Variants in LINGO2 observed in about 807,000 individuals in gnomAD.
The protein encoded by LINGO2 is leucine rich repeat and Ig domain containing 2.
Under a neutral mutation model 30.6 loss-of-function variants are expected in LINGO2, and 14 were observed. The observed-to-expected ratio is 0.46, with a 90% CI of 0.30 to 0.72. The LOEUF is 0.72. LINGO2 is among the 30% of genes least tolerant of loss of function. The pLI is 0.07. For synonymous variants in LINGO2, 317 were observed against 288.5 expected, an observed-to-expected ratio of 1.10 and a Z score of -1.00; for missense variants, 729 against 751.7, an observed-to-expected ratio of 0.97 and a Z score of 0.35.
the LINGO2 span, among the ~76,000 whole-genome samples, chr9:29,021,428 C>T: frequency 4.6e-5 from 7 of 152,104 alleles, no homozygotes; most frequent in South Asian, 2.1e-4. Context: ...GGAGGCGATG[C>T]GGGCGGATCA....
chr9:28,219,925 A>G (rs1451464362), intron 4 of LINGO2, among the ~76,000 whole-genome samples: 1 of 152,198 alleles, frequency 6.6e-6, no homozygotes, highest in Non-Finnish European at 1.5e-5. Context: ...TCAACCAGCT[A>G]CAGATCATAT....
chr9:27,949,137 T>A, exon 6 of LINGO2: 1 of 1,614,126 alleles, frequency 6.2e-7, no homozygotes, highest in Non-Finnish European at 8.5e-7. Flanking sequence ...AGGGGTCCTG[T>A]TCGCATAAAG....
At chr9:28,217,198 A>G (rs758935057) in intron 4 of LINGO2, among the ~76,000 whole-genome samples, 2 of 151,214 alleles carry the variant, frequency 1.3e-5, no homozygotes, top group Non-Finnish European at 3.0e-5. Context: ...GTGGTGTATT[A>G]TTTTTATGTA....
At chr9:28,624,404 TG>T (rs1826558629) in intron 1 of LINGO2, among the ~76,000 whole-genome samples, 1 of 151,446 alleles carries the variant, frequency 6.6e-6, no homozygotes, top group African/African-American at 2.4e-5. Flanking sequence ...TTTTATCAAA[TG>T]AGTGTTCAGC....
chr9:28,186,377 T>C (rs996163059), intron 4 of LINGO2, among the ~76,000 whole-genome samples: 11 of 152,176 alleles, frequency 7.2e-5, no homozygotes, highest in Admixed American at 3.3e-4. Context: ...GAAATGTGCC[T>C]CATTCAGCAG....
chr9:28,134,095 A>T (rs1365082334), intron 4 of LINGO2, among the ~76,000 whole-genome samples: 1 of 152,100 alleles, frequency 6.6e-6, no homozygotes, highest in Non-Finnish European at 1.5e-5. Context: ...CTACCTTTGA[A>T]ATATATCTCA....
At chr9:28,567,829 A>G (rs934562922) in intron 1 of LINGO2, among the ~76,000 whole-genome samples, 1 of 151,998 alleles carries the variant, frequency 6.6e-6, no homozygotes, top group African/African-American at 2.4e-5. Flanking sequence ...AAATAAATTT[A>G]TAAGGAGCTG....
chr9:28,232,149 AG>A, intron 4 of LINGO2, among the ~76,000 whole-genome samples: 1 of 152,264 alleles, frequency 6.6e-6, no homozygotes, highest in Admixed American at 6.5e-5. Flanking sequence ...CTGTAATCCA[AG>A]AACTTTGGGA....
chr9:28,558,007 G>A (rs867931566), intron 1 of LINGO2, among the ~76,000 whole-genome samples: 1 of 100,716 alleles, frequency 9.9e-6, no homozygotes, highest in East Asian at 3.6e-4. Flanking sequence ...GGGGTGGGGG[G>A]AGGGGGGAGG....
chr9:28,031,330 C>G (rs562451380), intron 4 of LINGO2, among the ~76,000 whole-genome samples: 13 of 149,828 alleles, frequency 8.7e-5, no homozygotes, highest in African/African-American at 3.2e-4. Flanking sequence ...TCTTTATACC[C>G]ACTTCAGTAG....
intron 3 of LINGO2, among the ~76,000 whole-genome samples, chr9:28,326,664 G>A (rs1406884351): frequency 6.6e-6 from 1 of 152,138 alleles, no homozygotes; most frequent in African/African-American, 2.4e-5. Context: ...ATAGCACAGT[G>A]CTCTAAGACA....
At chr9:28,849,568 A>C in the LINGO2 span, among the ~76,000 whole-genome samples, 1 of 151,990 alleles carries the variant, frequency 6.6e-6, no homozygotes, top group Non-Finnish European at 1.5e-5. Context: ...TTAACAGAGG[A>C]AGCTGAGACT....
chr9:28,743,570 A>G, the LINGO2 span, among the ~76,000 whole-genome samples: 2 of 151,944 alleles, frequency 1.3e-5, no homozygotes, highest in African/African-American at 2.4e-5. Context: ...TGCTGGATAT[A>G]AGATTCTTGG....
intron 1 of LINGO2, among the ~76,000 whole-genome samples, chr9:28,511,172 T>C (rs1444223902): frequency 6.6e-6 from 1 of 152,150 alleles, no homozygotes; most frequent in Non-Finnish European, 1.5e-5. Context: ...GTATTAACCA[T>C]CACAAGTCCA....
chr9:28,612,072 T>A (rs1825943070), intron 1 of LINGO2, among the ~76,000 whole-genome samples: 1 of 152,024 alleles, frequency 6.6e-6, no homozygotes, highest in Non-Finnish European at 1.5e-5. Flanking sequence ...CCTGGGCTTC[T>A]TTTTTATTTT....
intron 4 of LINGO2, among the ~76,000 whole-genome samples, chr9:28,174,080 G>GT (rs772805552): frequency 2.0e-5 from 3 of 152,136 alleles, no homozygotes; most frequent in Admixed American, 1.3e-4. Flanking sequence ...GATGCACTAA[G>GT]TTTTTTGCAG....
At chr9:28,517,970 T>G (rs1243093488) in intron 1 of LINGO2, among the ~76,000 whole-genome samples, 1 of 152,156 alleles carries the variant, frequency 6.6e-6, no homozygotes, top group African/African-American at 2.4e-5. Context: ...AGTCTGGAAA[T>G]GAGAAACGCA....
the LINGO2 span, among the ~76,000 whole-genome samples, chr9:28,809,219 A>C: frequency 1.3e-5 from 2 of 152,232 alleles, no homozygotes; most frequent in Non-Finnish European, 2.9e-5. Flanking sequence ...CATGTACCAA[A>C]GTTCTTAATA....
chr9:29,018,948 T>C, the LINGO2 span, among the ~76,000 whole-genome samples: 1 of 152,170 alleles, frequency 6.6e-6, no homozygotes, highest in Middle Eastern at 3.2e-3. Context: ...TTCTCACTTT[T>C]ATTTTCTGAA....
Sources: gnomAD v4.1 joint callset for allele counts (sites outside exome capture counted in the v4.1 genomes callset) on GRCh38, gnomAD v4.1.1 for gene constraint, MANE v1.5 for transcripts, NCBI Gene and HGNC (gene_info 2026-07-23, HGNC 2026-07-21) for gene names.